The following MYCBP2 variants were observed in gnomAD, a reference collection of about 807,000 sequenced individuals.
The protein encoded by MYCBP2 is MYC binding protein 2, also known as E3 ubiquitin-protein ligase MYCBP2.
A neutral mutation model predicts 525.3 loss-of-function variants in MYCBP2; 120 were observed. The observed-to-expected ratio is 0.23, with a 90% CI of 0.20 to 0.27. The LOEUF (loss-of-function observed/expected upper bound fraction) is 0.27. MYCBP2 is among the 10% of genes least tolerant of loss of function. The probability of loss-of-function intolerance (pLI) is 1.00; values close to 1 mark genes in which losing one functional copy is unlikely to be tolerated. For synonymous variants in MYCBP2, 1,894 were observed against 1,955.8 expected (o/e 0.97, Z 0.83); for missense variants, 4,149 against 5,657.1 (o/e 0.73, Z 8.55).
chr13:77,161,717 T>A (rs1318185857), intron 44 of MYCBP2, among the ~76,000 whole-genome samples, 189 bp downstream of exon 44: 1 of 152,184 alleles, frequency 6.6e-6, no homozygotes, highest in Non-Finnish European at 1.5e-5. Context: ...ACCCACCAAA[T>A]ACATAGGGCT....
intron 56 of MYCBP2, 52 bp from the exon 57 acceptor site, chr13:77,096,533 T>A: frequency 6.3e-7 from 1 of 1,579,652 alleles, no homozygotes; most frequent in South Asian, 1.2e-5. Context: ...TCCTTAATAG[T>A]TTGATCCTTA....
chr13:77,304,582 A>G (rs2079172431), intron 1 of MYCBP2, among the ~76,000 whole-genome samples: 1 of 152,184 alleles, frequency 6.6e-6, no homozygotes, highest in Non-Finnish European at 1.5e-5. Context: ...ATACAACTTC[A>G]AACAGCTAGA....
chr13:77,158,231 C>T, intron 44 of MYCBP2, 122 bp from the exon 45 acceptor site: 1 of 519,674 alleles, frequency 1.9e-6, no homozygotes, highest in Non-Finnish European at 3.1e-6. Context: ...TCCACGTACC[C>T]CACTGTTCCT....
At chr13:77,200,583 A>G (rs1025593784) in intron 26 of MYCBP2, among the ~76,000 whole-genome samples, 7 of 152,222 alleles carry the variant, frequency 4.6e-5, no homozygotes, top group Admixed American at 1.3e-4. Flanking sequence ...TCCAAGGCAC[A>G]TAATTGTCAG....
rs1448092106 is a variant in MYCBP2 at position 77,251,240 on chromosome 13, C to T, written c.2292G>A (p.Glu764=). ...CACAGACAGTGCAAACCATGCACTG[C>T]TCCAGCTTCCATTTGTGCATGCCTG... ...CPPGMHKWKL[E]QCMVCTVCGD... is the part of the protein sequence containing the mutation. Residue 764 remains glutamate (E), a synonymous_variant, in exon 15 of 83, where the codon GAG becomes GAA. Coordinates refer to ENST00000544440, the MANE Select transcript of MYCBP2 (RefSeq NM_015057.5). The T allele has an allele frequency of 1.9e-6, 3 of 1,614,076 alleles. No individual in the cohort carries two copies. The highest frequency in any genetic ancestry group is 1.3e-5 in the African/African-American group (1 of 74,934).
At chr13:77,110,298 T>C (rs2048592455) in intron 55 of MYCBP2, among the ~76,000 whole-genome samples, 1 of 152,114 alleles carries the variant, frequency 6.6e-6, no homozygotes, top group African/African-American at 2.4e-5. Context: ...GTGTCTGTCT[T>C]ATTCGGTTGA....
Position 77,174,489 on chromosome 13 carries a change from C to T in MYCBP2, c.5473G>A (p.Glu1825Lys). The T allele has an allele frequency of 6.2e-7, 1 of 1,612,112 alleles. No homozygotes were observed. The highest frequency in any genetic ancestry group is 8.5e-7 in the Non-Finnish European group (1 of 1,178,452). ...IRLDKVVPLK[E>K]NVKYAVRLRN... is the part of the protein sequence containing the mutation. ...AAGCGCACAGCATATTTAACATTTT[C>T]CTTCATTATAAAGATGTAAAACATC... Residue 1825 changes from glutamate to lysine, a missense_variant and splice_region_variant, in exon 37 of 83, where the codon GAA (glutamate) becomes AAA (lysine). Physicochemically the swap from Glu to Lys is moderately conservative, Grantham distance 56 (BLOSUM62 1). Around this residue, in one of 21 missense-constraint regions of MYCBP2, gnomAD observed 109 missense variants for 118.9 expected, o/e 0.92. Transcript: ENST00000544440.
Position 77,139,485 on chromosome 13 carries a change from C to T in MYCBP2, c.7519-149G>A, listed in dbSNP as rs1437853347. 3 of 778,458 alleles carry T rather than the reference C, an allele frequency of 3.9e-6. No homozygotes were observed. The East Asian group carries it at 8.0e-5, about 21-fold the overall frequency. 48.2% of individuals were successfully genotyped at this position (778,458 alleles called of 1,614,324 possible). A position where few individuals can be genotyped will look rare whatever the true frequency, so the allele number is the denominator to read the frequency against. The stretch of plus-strand genomic sequence containing the variant: ...CAGAAAGTAAGTCTGAGAGACCCTC[C>T]AGGGAAAAAAAAAGCAGCAAAGAGT... On this transcript the variant is annotated intron_variant, in intron 51 of 82. Transcript: ENST00000544440.
rs2043371869 is a variant in MYCBP2, at chr13:77,081,941, T to C, written c.11089A>G (p.Asn3697Asp). 1 of 1,613,560 alleles carries C rather than the reference T, an allele frequency of 6.2e-7. No homozygotes were observed. ...QSDHQFLHQS[N>D]VFHHINNILS... ...ATATTGTTAATGTGATGAAAGACGT[T>C]GCTCTGATGAAGGAACTGGTGATCA... The change falls in exon 64 of 83, where the codon AAC (asparagine) becomes GAC (aspartate). Residue 3697 changes from asparagine to aspartate, a missense_variant. Asn to Asp is a conservative substitution (Grantham distance 23, BLOSUM62 1). Transcript: ENST00000544440. The surrounding 1 kb of genome is among the most constrained non-coding windows in gnomAD (Gnocchi z 4.6).
chr13:77,124,770 G>A (rs1566620299), intron 54 of MYCBP2, among the ~76,000 whole-genome samples: 1 of 152,042 alleles, frequency 6.6e-6, no homozygotes, highest in South Asian at 2.1e-4. Context: ...TCTCAACTTC[G>A]AAGAACAAAT....
chr13:77,202,505 A>C (rs898181441), intron 26 of MYCBP2, among the ~76,000 whole-genome samples: 238 of 152,230 alleles, frequency 1.6e-3, no homozygotes, highest in African/African-American at 5.4e-3. Context: ...AACTATTCCA[A>C]TCAATAGAAA....
chr13:77,234,031 C>A (rs2067520921), intron 17 of MYCBP2, among the ~76,000 whole-genome samples: 1 of 151,746 alleles, frequency 6.6e-6, no homozygotes, highest in Non-Finnish European at 1.5e-5. Flanking sequence ...AATACATACC[C>A]ACACAGATTA....
In MYCBP2 at chr13:77,176,522, C is replaced by G; in HGVS notation, c.5447G>C (p.Arg1816Thr). The change falls in exon 36 of 83, where the codon AGA becomes ACA. Residue 1816 changes from arginine to threonine, a missense_variant. Physicochemically the swap from Arg to Thr is moderately conservative, Grantham distance 71. Around this residue, in one of 21 missense-constraint regions of MYCBP2, gnomAD observed 109 missense variants for 118.9 expected, o/e 0.92. Coordinates refer to ENST00000544440, the MANE Select transcript of MYCBP2 (RefSeq NM_015057.5). ...DDSPSDIAEI[R>T]LDKVVPLKEN... Reference sequence around the variant, plus strand: ...CTTTAAAGGAACCACTTTGTCAAGTCTGATCTCAGCTATATCACTGGGTGA... The same window carrying G: ...CTTTAAAGGAACCACTTTGTCAAGTGTGATCTCAGCTATATCACTGGGTGA... 1.3e-6 allele frequency: 2 copies of G among 1,585,252 alleles called. No individual in the cohort carries two copies. Among genetic ancestry groups the G allele is most frequent in the Non-Finnish European group, 1.7e-6 (2 of 1,161,988 alleles).
intron 1 of MYCBP2, among the ~76,000 whole-genome samples, chr13:77,323,153 A>T (rs1411435696): frequency 1.3e-5 from 2 of 152,202 alleles, no homozygotes; most frequent in Admixed American, 6.5e-5. Flanking sequence ...CTACATATTT[A>T]AAAAACTGAG....
At chr13:77,100,360 C>T (rs2046886301) in intron 55 of MYCBP2, 1 of 152,056 alleles carries the variant, frequency 6.6e-6, no homozygotes, top group African/African-American at 2.4e-5. Context: ...TTGTCTGTTA[C>T]TCTTCACTGA....
intron 46 of MYCBP2, among the ~76,000 whole-genome samples, chr13:77,153,503 C>A (rs2056798273): frequency 1.3e-5 from 2 of 152,184 alleles, no homozygotes; most frequent in African/African-American, 4.8e-5. Flanking sequence ...CATACTATTT[C>A]AATTTAACCT....
chr13:77,314,169 A>G (rs1298440929), intron 1 of MYCBP2, among the ~76,000 whole-genome samples: 3 of 152,232 alleles, frequency 2.0e-5, no homozygotes, highest in African/African-American at 7.2e-5. Flanking sequence ...AACCCAAAGG[A>G]GCTGAAAACA....
chr13:77,210,414 G>T (rs193143535), intron 23 of MYCBP2, among the ~76,000 whole-genome samples: 1 of 151,868 alleles, frequency 6.6e-6, no homozygotes, highest in Non-Finnish European at 1.5e-5. Flanking sequence ...GGATGGTCTC[G>T]ATCTCCTGAC....
intron 47 of MYCBP2, among the ~76,000 whole-genome samples, chr13:77,149,105 A>C (rs2056081490): frequency 6.6e-6 from 1 of 152,052 alleles, no homozygotes; most frequent in Non-Finnish European, 1.5e-5. Context: ...CAAAGCCTTC[A>C]CTCAATTCCA....
Sources: allele counts gnomAD v4.1 joint callset (sites outside exome capture counted in the v4.1 genomes callset), GRCh38; gene constraint gnomAD v4.1.1; regional missense constraint gnomAD v4.1.1; non-coding constraint Gnocchi (gnomAD v3.1); transcripts MANE v1.5; gene names NCBI Gene and HGNC (gene_info 2026-07-23, HGNC 2026-07-21).